Variants in AKAP19 observed in about 807,000 individuals in gnomAD.
AKAP19 encodes the protein small A-kinase anchoring protein.
chr2:189,882,794 AG>A, the AKAP19 span, among the ~76,000 whole-genome samples: 1 of 152,026 alleles, frequency 6.6e-6, no homozygotes, highest in African/African-American at 2.4e-5. Context: ...GCAAAATATG[AG>A]GGAGGTACAT....
At chr2:190,158,904 G>A in the AKAP19 span, among the ~76,000 whole-genome samples, 1 of 152,234 alleles carries the variant, frequency 6.6e-6, no homozygotes, top group African/African-American at 2.4e-5. Flanking sequence ...CAGGAGAAGG[G>A]CTATCCTCAG....
the AKAP19 span, among the ~76,000 whole-genome samples, chr2:190,021,245 T>C: frequency 2.6e-5 from 4 of 152,178 alleles, no homozygotes; most frequent in Admixed American, 2.6e-4. Context: ...TTTTATTATT[T>C]ATACTTCTAG....
the AKAP19 span, chr2:189,923,919 A>G: frequency 1.2e-6 from 2 of 1,611,316 alleles, no homozygotes; most frequent in Non-Finnish European, 1.7e-6. Flanking sequence ...CAAAAAGTGG[A>G]TTCTTTCCTG....
the AKAP19 span, among the ~76,000 whole-genome samples, chr2:189,989,464 A>G: frequency 5.3e-5 from 8 of 152,152 alleles, no homozygotes; most frequent in African/African-American, 1.4e-4. Flanking sequence ...GAAAAAATAT[A>G]CTAGGCAAAT....
At chr2:189,893,681 C>T in the AKAP19 span, among the ~76,000 whole-genome samples, 1 of 152,174 alleles carries the variant, frequency 6.6e-6, no homozygotes, top group Non-Finnish European at 1.5e-5. Context: ...GTGCCAGCCA[C>T]CTTTGTGCTT....
At chr2:190,062,944 A>G in the AKAP19 span, among the ~76,000 whole-genome samples, 2 of 152,112 alleles carry the variant, frequency 1.3e-5, no homozygotes, top group African/African-American at 4.8e-5. Context: ...ATAATAAAAG[A>G]TATTTGTGAC....
At chr2:190,020,756 C>A in the AKAP19 span, among the ~76,000 whole-genome samples, 1 of 152,142 alleles carries the variant, frequency 6.6e-6, no homozygotes. Context: ...CCCTATTCCC[C>A]CTCCTTCCAG....
chr2:190,131,170 A>T, the AKAP19 span, among the ~76,000 whole-genome samples: 19 of 152,276 alleles, frequency 1.2e-4, no homozygotes, highest in South Asian at 3.9e-3. Flanking sequence ...TATCCCTTGT[A>T]GTTTCCAGGG....
chr2:190,050,089 A>C, the AKAP19 span, among the ~76,000 whole-genome samples: 41 of 152,214 alleles, frequency 2.7e-4, no homozygotes, highest in Non-Finnish European at 5.7e-4. Context: ...ACAAAGAACA[A>C]TTTGCTAGTC....
the AKAP19 span, among the ~76,000 whole-genome samples, chr2:189,982,906 A>T: frequency 6.6e-6 from 1 of 152,056 alleles, no homozygotes; most frequent in South Asian, 2.1e-4. Context: ...TGGAGGTCTC[A>T]GGAAGATTAT....
the AKAP19 span, among the ~76,000 whole-genome samples, chr2:189,972,099 G>T: frequency 5.9e-5 from 9 of 152,098 alleles, no homozygotes; most frequent in African/African-American, 2.2e-4. Context: ...TTCTTCTAGG[G>T]TTTTTATGGT....
the AKAP19 span, among the ~76,000 whole-genome samples, chr2:189,932,560 A>T: frequency 2.0e-5 from 3 of 150,832 alleles, no homozygotes; most frequent in Non-Finnish European, 4.4e-5. Flanking sequence ...ATTTACTACT[A>T]TTGGTAGGAA....
chr2:190,153,026 G>C, the AKAP19 span, among the ~76,000 whole-genome samples: 1 of 151,968 alleles, frequency 6.6e-6, no homozygotes, highest in African/African-American at 2.4e-5. Flanking sequence ...CTCCTGAGTA[G>C]CTGGGACTAC....
chr2:190,096,418 GC>G, the AKAP19 span, among the ~76,000 whole-genome samples: 1 of 152,180 alleles, frequency 6.6e-6, no homozygotes, highest in African/African-American at 2.4e-5. Flanking sequence ...GAATTCAGAT[GC>G]CTTCTGACTA....
At chr2:189,966,018 T>A in the AKAP19 span, among the ~76,000 whole-genome samples, 1 of 152,062 alleles carries the variant, frequency 6.6e-6, no homozygotes, top group Non-Finnish European at 1.5e-5. Context: ...TAAAAAGGAA[T>A]GAATTAATGG....
At chr2:189,969,848 C>G in the AKAP19 span, among the ~76,000 whole-genome samples, 2 of 141,380 alleles carry the variant, frequency 1.4e-5, no homozygotes, top group South Asian at 4.7e-4. Flanking sequence ...TCTTTCTTCT[C>G]TTTTTCACTT....
chr2:189,903,559 A>G, the AKAP19 span, among the ~76,000 whole-genome samples: 4 of 152,074 alleles, frequency 2.6e-5, no homozygotes, highest in Non-Finnish European at 4.4e-5. Flanking sequence ...TCATATGTAA[A>G]CATTAAGTGA....
chr2:189,886,126 A>G, the AKAP19 span, among the ~76,000 whole-genome samples: 1 of 152,132 alleles, frequency 6.6e-6, no homozygotes, highest in African/African-American at 2.4e-5. Flanking sequence ...TCTAGTATTA[A>G]TTTATGTATG....
the AKAP19 span, among the ~76,000 whole-genome samples, chr2:189,953,358 G>A: frequency 0.012 from 1,878 of 151,978 alleles, 15 homozygotes; most frequent in Non-Finnish European, 0.018. Context: ...GATATAGGCC[G>A]GGCATGGTGG....
Sources: allele counts gnomAD v4.1 joint callset (sites outside exome capture counted in the v4.1 genomes callset), GRCh38; gene constraint gnomAD v4.1.1; transcripts MANE v1.5; gene names NCBI Gene and HGNC (gene_info 2026-07-23, HGNC 2026-07-21).